Variants in SCN11A observed in about 807,000 individuals in gnomAD.
SCN11A encodes sodium voltage-gated channel alpha subunit 11, also known as sodium channel protein type 11 subunit alpha.
In SCN11A, 122 loss-of-function variants were observed where a neutral mutation model predicts 162.2. That is an observed-to-expected ratio of 0.75 (90% CI 0.65 to 0.87). The LOEUF is 0.87. Ranked by LOEUF, SCN11A falls within the 40% of genes least tolerant of loss-of-function variation. The probability of loss-of-function intolerance (pLI) is 0.00; values close to 1 mark genes in which losing one functional copy is unlikely to be tolerated. For synonymous variants in SCN11A, 758 were observed against 751.5 expected (o/e 1.01, Z -0.14); for missense variants, 2,015 against 2,181.6 (o/e 0.92, Z 1.52).
intron 28 of SCN11A, among the ~76,000 whole-genome samples, chr3:38,858,802 A>G (rs2064915632): frequency 6.6e-6 from 1 of 152,134 alleles, no homozygotes; most frequent in South Asian, 2.1e-4. Context: ...ATTTAAGAAA[A>G]TCGAAATCAT....
Position 38,978,191 on chromosome 3 carries a change from T to G in SCN11A, c.-279-17768A>C, listed in dbSNP as rs1019769377. ...ATCTGCTTCCTGCAGAACCCACACTTCTTCCACCACAGTCATCTCTGCTCC... is the reference window on the plus strand; with the variant it reads ...ATCTGCTTCCTGCAGAACCCACACTGCTTCCACCACAGTCATCTCTGCTCC... On this transcript the variant is annotated intron_variant, in intron 2 of 29. Transcript: ENST00000302328. Among the ~76,000 whole-genome samples the G allele has an allele frequency of 4.6e-5, 7 of 152,192 alleles. No homozygotes were observed. The South Asian group carries it at 1.2e-3, about 27-fold the overall frequency.
At chr3:39,023,201 T>G (rs113719967) in intron 2 of SCN11A, among the ~76,000 whole-genome samples, 1 of 151,934 alleles carries the variant, frequency 6.6e-6, no homozygotes, top group South Asian at 2.1e-4. Flanking sequence ...CAGCTGGTCA[T>G]GAATTGATAA....
chr3:38,933,806 T>C (rs905090762), intron 7 of SCN11A, among the ~76,000 whole-genome samples: 3 of 152,194 alleles, frequency 2.0e-5, no homozygotes, highest in Non-Finnish European at 4.4e-5. Context: ...CTCTGCAGGA[T>C]ATTATCCAGG....
At chr3:38,938,567 T>A (rs1367165081) in intron 7 of SCN11A, among the ~76,000 whole-genome samples, 1 of 84,662 alleles carries the variant, frequency 1.2e-5, no homozygotes, top group African/African-American at 5.0e-5. Flanking sequence ...TTTTTTTTTT[T>A]TTTTTTTTTT....
intron 25 of SCN11A, 83 bp downstream of exon 25, chr3:38,871,362 T>C: frequency 7.5e-7 from 1 of 1,336,678 alleles, no homozygotes; most frequent in Non-Finnish European, 1.0e-6. Flanking sequence ...ATGGAGTCAC[T>C]GCATTTTTAT....
chr3:38,885,171 C>T (rs2065374237), intron 21 of SCN11A, 117 bp downstream of exon 21: 1 of 649,820 alleles, frequency 1.5e-6, no homozygotes, highest in Admixed American at 2.5e-5. Flanking sequence ...CCTCTCATTG[C>T]TTTTGTCTCC....
At chr3:39,050,434 T>C (rs1330132148) in intron 1 of SCN11A, among the ~76,000 whole-genome samples, 2 of 152,240 alleles carry the variant, frequency 1.3e-5, no homozygotes, top group African/African-American at 4.8e-5. Flanking sequence ...ATATATGATA[T>C]GCTAAATAAT....
At chr3:38,883,054 T>A (rs1196411811) in intron 22 of SCN11A, among the ~76,000 whole-genome samples, 179 bp downstream of exon 22, 1 of 152,126 alleles carries the variant, frequency 6.6e-6, no homozygotes, top group Non-Finnish European at 1.5e-5. Flanking sequence ...CTTGGTGATA[T>A]CCCAGTTGAG....
chr3:38,988,138 C>T (rs182677884), intron 2 of SCN11A, among the ~76,000 whole-genome samples: 37 of 152,156 alleles, frequency 2.4e-4, no homozygotes, highest in Non-Finnish European at 2.8e-4. Flanking sequence ...ATGCAGGGCC[C>T]CATGTGACTG....
In SCN11A at chr3:38,896,969, A is replaced by G. The variant is rs1214928849; in HGVS notation, c.2279T>C (p.Val760Ala). ...HMGDFWHSFL[V>A]VFRILCGEWI... Reference sequence around the variant, plus strand: ...TTCCCCGCAGAGGATGCGGAATACCACTAGGAAGGAGTGCCAGAAATCCCC... The same window carrying G: ...TTCCCCGCAGAGGATGCGGAATACCGCTAGGAAGGAGTGCCAGAAATCCCC... The change falls in exon 18 of 30, where the codon GTG (valine) becomes GCG (alanine). Residue 760 changes from valine to alanine, a missense_variant. Val to Ala is a moderately conservative substitution (Grantham distance 64, BLOSUM62 0). Coordinates refer to ENST00000302328, the MANE Select transcript of SCN11A (RefSeq NM_001349253.2). 1.9e-6 allele frequency: 3 copies of G among 1,614,038 alleles called. No homozygotes were observed. The highest frequency in any genetic ancestry group is 2.5e-6 in the Non-Finnish European group (3 of 1,180,028).
At chr3:38,918,901 T>C (rs2066002434) in intron 11 of SCN11A, among the ~76,000 whole-genome samples, 1 of 152,204 alleles carries the variant, frequency 6.6e-6, no homozygotes, top group Non-Finnish European at 1.5e-5. Context: ...CTAAGAAATG[T>C]GTAGTTAGGC....
intron 1 of SCN11A, among the ~76,000 whole-genome samples, chr3:39,032,798 G>A (rs1006392922): frequency 1.3e-5 from 2 of 152,046 alleles, no homozygotes; most frequent in Non-Finnish European, 2.9e-5. Flanking sequence ...TTTGAATTCA[G>A]AAGACCCATA....
chr3:39,002,626 C>T (rs1010710193), intron 2 of SCN11A, among the ~76,000 whole-genome samples: 5 of 152,234 alleles, frequency 3.3e-5, no homozygotes, highest in Non-Finnish European at 7.3e-5. Flanking sequence ...TCACCCTTCT[C>T]TGTATCCATA....
intron 2 of SCN11A, among the ~76,000 whole-genome samples, chr3:38,965,710 T>G (rs538213480): frequency 1.3e-5 from 2 of 152,224 alleles, no homozygotes; most frequent in Non-Finnish European, 2.9e-5. Flanking sequence ...TCTTTTTTTT[T>G]CATATGACAA....
chr3:38,891,654 C>T (rs1269985496), intron 19 of SCN11A, among the ~76,000 whole-genome samples: 16 of 152,154 alleles, frequency 1.1e-4, no homozygotes, highest in Non-Finnish European at 1.5e-5. Context: ...TGAAGGACTT[C>T]CTGCTGCATC....
intron 1 of SCN11A, among the ~76,000 whole-genome samples, chr3:39,044,480 A>ATCAAGTATCTTTT (rs1317942779): frequency 2.6e-5 from 4 of 152,196 alleles, no homozygotes; most frequent in Non-Finnish European, 4.4e-5. Context: ...ATCTTTTCTG[A>ATCAAGTATCTTTT]CTACAATGAA....
chr3:38,948,770 C>T (rs1559551051), intron 5 of SCN11A, among the ~76,000 whole-genome samples: 1 of 151,874 alleles, frequency 6.6e-6, no homozygotes, highest in South Asian at 2.1e-4. Context: ...CTGGAATAGT[C>T]CTGTTCTCCC....
At chr3:39,050,398 C>T (rs1400084273) in intron 1 of SCN11A, among the ~76,000 whole-genome samples, 1 of 152,214 alleles carries the variant, frequency 6.6e-6, no homozygotes, top group African/African-American at 2.4e-5. Context: ...ACCACTGATT[C>T]CCCAACACCT....
chr3:38,847,287 C>A lies in SCN11A; in HGVS notation c.4783G>T (p.Val1595Phe). ...VSYIIISFLI[V>F]VNMYIAVILE... ...ATCACAGCAATGTACATGTTGACAA[C>A]AATGAGAAAGGAGATGATAATGTAA... The change falls in exon 30 of 30, where the codon GTT becomes TTT. Residue 1595 changes from valine (V) to phenylalanine (F), a missense_variant. Transcript: ENST00000302328. The A allele has an allele frequency of 6.2e-7, 1 of 1,614,172 alleles. No individual in the cohort carries two copies. Among genetic ancestry groups the A allele is most frequent in the East Asian group, 2.2e-5 (1 of 44,878 alleles).
Sources: allele counts gnomAD v4.1 joint callset (sites outside exome capture counted in the v4.1 genomes callset), GRCh38; gene constraint gnomAD v4.1.1; transcripts MANE v1.5; gene names NCBI Gene and HGNC (gene_info 2026-07-23, HGNC 2026-07-21).